The following MOB3B variants were observed in gnomAD, a reference collection of about 807,000 sequenced individuals.
MOB3B encodes the protein MOB kinase activator 3B.
MOB3B carries 7 observed loss-of-function variants against 18.7 expected under a neutral mutation model. That is an observed-to-expected ratio of 0.37 (90% confidence interval 0.21 to 0.70). MOB3B has a LOEUF of 0.70. Ranked by LOEUF, MOB3B falls within the 30% of genes least tolerant of loss-of-function variation. MOB3B has a pLI of 0.52. For missense variants in MOB3B, 253 were observed against 281.3 expected (o/e 0.90, Z 0.72); for synonymous variants, 111 against 99.9 (o/e 1.11, Z -0.66).
Position 27,356,782 on chromosome 9 carries a change from GCCCTTGTCCATCTTT to G in MOB3B, c.621+2237_621+2251del, listed in dbSNP as rs533326322. 3.7e-3 allele frequency among the ~76,000 whole-genome samples: 566 copies of G among 152,140 alleles called. 5 individuals are homozygous for G. The highest frequency in any genetic ancestry group is 6.0e-3 in the Non-Finnish European group (407 of 67,988). On this transcript the variant is annotated intron_variant, in intron 3 of 3. Coordinates refer to ENST00000262244, the MANE Select transcript of MOB3B (RefSeq NM_024761.5). ...TTTCTTCTGGGTCTTCATTTACGTG[GCCCTTGTCCATCTTT>G]CCTCTCTGTCCTTGACATTTTCTGA... is the stretch of plus-strand genomic sequence containing the variant.
At chr9:27,412,124 G>C (rs1026512408) in intron 2 of MOB3B, among the ~76,000 whole-genome samples, 1 of 151,254 alleles carries the variant, frequency 6.6e-6, no homozygotes, top group African/African-American at 2.4e-5. Context: ...TGGGGCAAAG[G>C]TGATCAAAAC....
intron 2 of MOB3B, among the ~76,000 whole-genome samples, chr9:27,439,522 C>T (rs901245943): frequency 1.3e-5 from 2 of 152,148 alleles, no homozygotes; most frequent in South Asian, 4.1e-4. Context: ...TTAGTTTCAG[C>T]AGACCATGAG....
chr9:27,440,411 C>G (rs1244039086), intron 2 of MOB3B, among the ~76,000 whole-genome samples: 1 of 150,352 alleles, frequency 6.7e-6, no homozygotes, highest in Non-Finnish European at 1.5e-5. Context: ...AGCTACCTTA[C>G]TGTATTACTT....
intron 3 of MOB3B, among the ~76,000 whole-genome samples, chr9:27,341,739 C>G (rs1341049654): frequency 6.6e-6 from 1 of 152,118 alleles, no homozygotes; most frequent in Non-Finnish European, 1.5e-5. Flanking sequence ...CATTATGCTT[C>G]CCCTAGAGAG....
intron 3 of MOB3B, among the ~76,000 whole-genome samples, chr9:27,345,876 A>T (rs1272247160): frequency 6.6e-6 from 1 of 152,256 alleles, no homozygotes; most frequent in Non-Finnish European, 1.5e-5. Flanking sequence ...CTTGGAAATT[A>T]TCTAGCTGCT....
intron 2 of MOB3B, among the ~76,000 whole-genome samples, chr9:27,371,882 A>C (rs1821421455): frequency 6.6e-6 from 1 of 152,152 alleles, no homozygotes; most frequent in African/African-American, 2.4e-5. Context: ...ATTTTAGTTA[A>C]TTCAAGGACA....
intron 2 of MOB3B, among the ~76,000 whole-genome samples, chr9:27,375,371 A>T (rs1389673612): frequency 6.6e-6 from 1 of 152,208 alleles, no homozygotes; most frequent in East Asian, 1.9e-4. Flanking sequence ...ACTTCTGGGG[A>T]TGATGAAGGC....
At chr9:27,353,548 G>T (rs1821139349) in intron 3 of MOB3B, among the ~76,000 whole-genome samples, 1 of 152,104 alleles carries the variant, frequency 6.6e-6, no homozygotes, top group Non-Finnish European at 1.5e-5. Flanking sequence ...GGTAGGTGGT[G>T]GTATAATCAC....
chr9:27,462,046 A>G (rs75724064), intron 1 of MOB3B, among the ~76,000 whole-genome samples: 18,153 of 152,278 alleles, frequency 0.12, 1,449 homozygotes, highest in Non-Finnish European at 0.17. Context: ...TAGATTCCCA[A>G]CAATGACAAA....
chr9:27,382,720 A>G (rs1339661395), intron 2 of MOB3B, among the ~76,000 whole-genome samples: 1 of 33,778 alleles, frequency 3.0e-5, no homozygotes, highest in African/African-American at 1.4e-4. Flanking sequence ...TGAAGGTGAT[A>G]TATATATATA....
At chr9:27,481,571 GCAGGAGTA>G (rs1428331835) in intron 1 of MOB3B, among the ~76,000 whole-genome samples, 1 of 143,020 alleles carries the variant, frequency 7.0e-6, no homozygotes, top group Non-Finnish European at 1.5e-5. Context: ...AGGCTGGAGT[GCAGGAGTA>G]CAGTGGCGTG....
At chr9:27,455,024 T>C in intron 2 of MOB3B, 109 bp downstream of exon 2, 1 of 1,168,754 alleles carries the variant, frequency 8.6e-7, no homozygotes, top group Non-Finnish European at 1.3e-6. Flanking sequence ...GGTATGTGAG[T>C]GATGGGATTA....
chr9:27,479,367 T>C (rs1819611328), intron 1 of MOB3B, among the ~76,000 whole-genome samples: 1 of 152,218 alleles, frequency 6.6e-6, no homozygotes, highest in Non-Finnish European at 1.5e-5. Flanking sequence ...CTTCAGGACC[T>C]AATCACCTCT....
chr9:27,348,864 G>A (rs561519852), intron 3 of MOB3B, among the ~76,000 whole-genome samples: 12 of 152,266 alleles, frequency 7.9e-5, no homozygotes, highest in South Asian at 2.1e-4. Context: ...GAAACCTAAC[G>A]TTTCAAATGA....
At chr9:27,444,357 C>T (rs1469500258) in intron 2 of MOB3B, among the ~76,000 whole-genome samples, 2 of 151,812 alleles carry the variant, frequency 1.3e-5, no homozygotes, top group East Asian at 3.9e-4. Flanking sequence ...CCCACATCAA[C>T]CTGCTTTCTT....
At chr9:27,398,067 G>A (rs906250759) in intron 2 of MOB3B, among the ~76,000 whole-genome samples, 3 of 152,192 alleles carry the variant, frequency 2.0e-5, no homozygotes, top group Non-Finnish European at 4.4e-5. Context: ...CCTTCTTCAG[G>A]AATCCCAGAT....
intron 2 of MOB3B, among the ~76,000 whole-genome samples, chr9:27,432,999 T>C (rs777270727): frequency 1.3e-5 from 2 of 152,284 alleles, no homozygotes; most frequent in Middle Eastern, 3.4e-3. Context: ...TACCCTTTTC[T>C]CTTGAGAATA....
intron 1 of MOB3B, chr9:27,524,169 A>AGC: frequency 1.9e-6 from 1 of 520,202 alleles, no homozygotes. Context: ...AAAAAAAAAA[A>AGC]AAGCCTCAGA....
chr9:27,370,143 G>A (rs1292473877), intron 2 of MOB3B, among the ~76,000 whole-genome samples: 1 of 152,098 alleles, frequency 6.6e-6, no homozygotes, highest in Non-Finnish European at 1.5e-5. Context: ...GATGGTACTA[G>A]GAGGTGGGGC....
Sources: allele counts gnomAD v4.1 joint callset (sites outside exome capture counted in the v4.1 genomes callset), GRCh38; gene constraint gnomAD v4.1.1; transcripts MANE v1.5; gene names NCBI Gene and HGNC (gene_info 2026-07-23, HGNC 2026-07-21).